POLA1: variants seen among roughly 807,000 people sequenced by gnomAD.
POLA1 encodes the protein DNA polymerase alpha catalytic subunit.
POLA1 carries 15 observed loss-of-function variants against 124.0 expected under a neutral mutation model. That is an observed-to-expected ratio of 0.12 (90% CI 0.08 to 0.19). The LOEUF (loss-of-function observed/expected upper bound fraction) is 0.19. Among genes scored for constraint, POLA1 ranks in the 10% least tolerant of loss-of-function variants. The pLI is 1.00. For synonymous variants in POLA1, 408 were observed against 389.4 expected, an observed-to-expected ratio of 1.05 and a Z score of -0.56; for missense variants, 886 against 1,103.4, an observed-to-expected ratio of 0.80 and a Z score of 2.79.
intron 32 of POLA1, among the ~76,000 whole-genome samples, chrX:24,831,258 AAG>A (rs1185699342): frequency 2.7e-5 from 3 of 111,180 alleles, no homozygotes; most frequent in East Asian, 5.6e-4. Flanking sequence ...ACCTACAAAA[AAG>A]AGAGTAAAGT....
At chrX:24,990,371 T>TA (rs1316603816) in intron 36 of POLA1, among the ~76,000 whole-genome samples, 1 of 112,551 alleles carries the variant, frequency 8.9e-6, no homozygotes, top group Admixed American at 9.4e-5. Flanking sequence ...TGTGTCCTGA[T>TA]AATGTTCAAT....
At chrX:24,863,262 C>T (rs1415866959) in intron 34 of POLA1, among the ~76,000 whole-genome samples, 1 of 106,607 alleles carries the variant, frequency 9.4e-6, no homozygotes, top group East Asian at 3.0e-4. Flanking sequence ...GAGTATGCCC[C>T]CCCCCATCTT....
intron 34 of POLA1, among the ~76,000 whole-genome samples, chrX:24,859,002 G>A (rs551304620): frequency 4.5e-5 from 5 of 111,402 alleles, no homozygotes; most frequent in African/African-American, 1.6e-4. Context: ...ATACCCTCCA[G>A]TATTTCCCAG....
intron 36 of POLA1, among the ~76,000 whole-genome samples, chrX:24,934,037 A>G (rs1442679677): frequency 8.9e-6 from 1 of 111,919 alleles, no homozygotes; most frequent in East Asian, 2.8e-4. Context: ...AGGCGGTTTT[A>G]CAGGAACATA....
intron 26 of POLA1, among the ~76,000 whole-genome samples, chrX:24,805,306 G>A (rs940288756): frequency 7.2e-5 from 8 of 111,515 alleles, no homozygotes; most frequent in Non-Finnish European, 1.1e-4. Flanking sequence ...AAATATCGGC[G>A]TGAAGGGCTC....
At chrX:24,938,655 C>G (rs1218980589) in intron 36 of POLA1, among the ~76,000 whole-genome samples, 1 of 112,607 alleles carries the variant, frequency 8.9e-6, no homozygotes, top group African/African-American at 3.2e-5. Flanking sequence ...CCTACTGTCA[C>G]TGACTTTTCT....
rs186076421 is a variant in POLA1, at chrX:24,744,679, G to A, written c.2567-739G>A. On this transcript the variant is annotated intron_variant, in intron 23 of 36. Coordinates refer to ENST00000379068, the MANE Select transcript of POLA1 (RefSeq NM_001330360.2). ...AAAAGAATAAATTACTCTACCAGGCGCGGTGGCTCACGCCTGTAATTTCAG... is the reference window on the plus strand; with the variant it reads ...AAAAGAATAAATTACTCTACCAGGCACGGTGGCTCACGCCTGTAATTTCAG... 1,156 of 303,145 alleles carry A rather than the reference G, an allele frequency of 3.8e-3. 2 individuals are homozygous for A. The highest frequency in any genetic ancestry group is 5.7e-3 in the Non-Finnish European group (955 of 166,786). 25.0% of individuals were successfully genotyped at this position (303,145 alleles called of 1,213,427 possible).
At chrX:24,907,792 A>G (rs1188297387) in intron 35 of POLA1, among the ~76,000 whole-genome samples, 1 of 112,379 alleles carries the variant, frequency 8.9e-6, no homozygotes, top group African/African-American at 3.2e-5. Flanking sequence ...ATGGAAGAGC[A>G]ACAAAAATGG....
At chrX:24,867,599 C>CTT (rs991110809) in intron 34 of POLA1, among the ~76,000 whole-genome samples, 5 of 111,411 alleles carry the variant, frequency 4.5e-5, no homozygotes, top group African/African-American at 1.6e-4. Context: ...CTTACATGCT[C>CTT]TTTTTTAAAG....
At chrX:24,900,702 C>A (rs982868053) in intron 35 of POLA1, among the ~76,000 whole-genome samples, 1 of 111,651 alleles carries the variant, frequency 9.0e-6, no homozygotes, top group Non-Finnish European at 1.9e-5. Flanking sequence ...ATTGTTCCTG[C>A]ATTTACCTTC....
At chrX:24,801,924 G>GGTGTGTGTGTGT (rs35938897) in intron 26 of POLA1, among the ~76,000 whole-genome samples, 3,300 of 74,472 alleles carry the variant, frequency 0.044, 142 homozygotes, top group South Asian at 0.073. Context: ...GAGGTGGGTG[G>GGTGTGTGTGTGT]GTGTGTGTGT....
At chrX:24,802,381 G>A (rs1268639271) in intron 26 of POLA1, among the ~76,000 whole-genome samples, 6 of 111,576 alleles carry the variant, frequency 5.4e-5, no homozygotes, top group Non-Finnish European at 9.4e-5. Context: ...GAAAAGCATA[G>A]CCTGTTTAAT....
chrX:24,915,089 G>A (rs2047511754), intron 35 of POLA1, among the ~76,000 whole-genome samples: 1 of 112,043 alleles, frequency 8.9e-6, no homozygotes, highest in Non-Finnish European at 1.9e-5. Flanking sequence ...TTACAGAGGA[G>A]TCATATTGGC....
intron 36 of POLA1, among the ~76,000 whole-genome samples, chrX:24,970,755 GT>G (rs767784868): frequency 1.8e-5 from 2 of 111,743 alleles, no homozygotes; most frequent in African/African-American, 6.5e-5. Flanking sequence ...AATCCAGGGT[GT>G]TTTTTTTAAG....
rs1389540892 is a variant in POLA1, at chrX:24,917,404, C to T, written c.4165-13049C>T. 2.7e-5 allele frequency among the ~76,000 whole-genome samples: 3 copies of T among 111,859 alleles called. No homozygotes were observed. In the East Asian group the frequency reaches 8.3e-4, roughly 31 times the overall value. On this transcript the variant is annotated intron_variant, in intron 35 of 36. Coordinates refer to ENST00000379068, the MANE Select transcript of POLA1 (RefSeq NM_001330360.2). ...ATTTAGACAAGGAATTAGTGAATTA[C>T]ACATGCATGTGTGTTAATACCCTTT...
chrX:24,786,104 G>A (rs1470438419), intron 26 of POLA1, among the ~76,000 whole-genome samples: 2 of 112,208 alleles, frequency 1.8e-5, no homozygotes, highest in Non-Finnish European at 3.8e-5. Flanking sequence ...TTGTTCAACC[G>A]TTTATCCCTC....
chrX:24,954,156 A>G (rs2048079177), intron 36 of POLA1, among the ~76,000 whole-genome samples: 1 of 112,750 alleles, frequency 8.9e-6, no homozygotes, highest in Non-Finnish European at 1.9e-5. Flanking sequence ...TACATTTGAA[A>G]TATGTCACTG....
chrX:24,711,597 G>A (rs886835104), intron 4 of POLA1, among the ~76,000 whole-genome samples: 6 of 111,367 alleles, frequency 5.4e-5, no homozygotes, highest in African/African-American at 1.3e-4. Context: ...GAGTAGCTAC[G>A]CATAAATTTT....
At chrX:24,893,377 G>A (rs1428191416) in intron 35 of POLA1, among the ~76,000 whole-genome samples, 1 of 112,025 alleles carries the variant, frequency 8.9e-6, no homozygotes, top group Non-Finnish European at 1.9e-5. Context: ...ATGGGTGCTA[G>A]CAACCTTTTT....
Sources: gnomAD v4.1 joint callset for allele counts (sites outside exome capture counted in the v4.1 genomes callset) on GRCh38, gnomAD v4.1.1 for gene constraint, MANE v1.5 for transcripts, NCBI Gene and HGNC (gene_info 2026-07-23, HGNC 2026-07-21) for gene names.